Variants in VAC14 observed in about 807,000 individuals in gnomAD.
The protein encoded by VAC14 is VAC14 component of PIKFYVE complex.
In VAC14, 47 loss-of-function variants were observed where a neutral mutation model predicts 85.3. That is an observed-to-expected ratio of 0.55 (90% CI 0.44 to 0.70). VAC14 has a LOEUF of 0.70. Ranked by LOEUF, VAC14 falls within the 30% of genes least tolerant of loss-of-function variation. VAC14 has a pLI of 0.00. For synonymous variants in VAC14, 447 were observed against 430.5 expected, an observed-to-expected ratio of 1.04 and a Z score of -0.47; for missense variants, 861 against 1,004.3, an observed-to-expected ratio of 0.86 and a Z score of 1.93.
chr16:70,726,404 T>A (rs2054430063), intron 14 of VAC14, among the ~76,000 whole-genome samples: 1 of 152,148 alleles, frequency 6.6e-6, no homozygotes. Context: ...AGGGGTGTGG[T>A]TCCCCCTCCA....
At chr16:70,782,147 C>G (rs1007562939) in intron 7 of VAC14, 144 bp from the exon 8 acceptor site, 3 of 1,196,130 alleles carry the variant, frequency 2.5e-6, no homozygotes, top group Non-Finnish European at 3.5e-6. Context: ...GCTCTACTAC[C>G]TGTGTGCTTT....
Position 70,731,587 on chromosome 16 carries a change from C to T in VAC14, c.1569G>A (p.Met523Ile). ...GLECSPSTPT[M>I]NSYFYKFMIN... is the part of the protein sequence containing the mutation. The stretch of plus-strand genomic sequence containing the variant: ...TCATGAACTTATAAAAGTAAGAATT[C>T]ATGGTGGGAGTTGAAGGAGAACATT... Residue 523 changes from methionine to isoleucine, a missense_variant, in exon 14 of 19, where the codon ATG (methionine) becomes ATA (isoleucine). Met to Ile is a conservative substitution (Grantham distance 10). Around this residue, in one of 3 missense-constraint regions of VAC14, gnomAD observed 629 missense variants for 703.1 expected, o/e 0.89. Coordinates refer to ENST00000261776, the MANE Select transcript of VAC14 (RefSeq NM_018052.5). 8 of 1,614,114 alleles carry T rather than the reference C, an allele frequency of 5.0e-6. No individual in the cohort carries two copies.
chr16:70,688,638 C>T lies in VAC14; in HGVS notation c.2187-548G>A, dbSNP rs151219993. The T allele has an allele frequency of 1.6e-4, 157 of 985,590 alleles. 1 individual carries two copies. In the East Asian group the frequency reaches 0.013, roughly 80 times the overall value. The allele number at this position is 985,590 out of a possible 1,614,324, so 61.1% of individuals were successfully genotyped here. A position where few individuals can be genotyped will look rare whatever the true frequency, so the allele number is the denominator to read the frequency against. ...TCACTGTCCCTGGGAGGAGGAATGC[C>T]GGTCTCACCACTGGACATGCCTACA... On this transcript the variant is annotated intron_variant, in intron 18 of 18. Transcript: ENST00000261776.
chr16:70,739,058 T>C (rs2029994779), intron 13 of VAC14, among the ~76,000 whole-genome samples: 1 of 152,186 alleles, frequency 6.6e-6, no homozygotes, highest in Admixed American at 6.5e-5. Context: ...CTGTAATAAC[T>C]AGGACACAAG....
chr16:70,729,475 T>C lies in VAC14; in HGVS notation c.1661+2020A>G, dbSNP rs149918335. On this transcript the variant is annotated intron_variant, in intron 14 of 18. Transcript: ENST00000261776. ...GTGCCCTCAACTCCACCTCAGCTCC[T>C]GAGCTGGCCGGTCACCTCCTGTACG... Among the ~76,000 whole-genome samples, 459 of 152,196 alleles carry C rather than the reference T, an allele frequency of 3.0e-3. 4 individuals carry two copies. Among genetic ancestry groups the C allele is most frequent in the Middle Eastern group, 0.017 (5 of 294 alleles).
chr16:70,757,163 G>C (rs1419948701), intron 12 of VAC14, among the ~76,000 whole-genome samples: 1 of 152,192 alleles, frequency 6.6e-6, no homozygotes, highest in Non-Finnish European at 1.5e-5. Context: ...AGACTCTGGG[G>C]ACACTTTCTC....
intron 10 of VAC14, chr16:70,768,964 CTAT>C (rs2033017810): frequency 3.9e-6 from 1 of 256,664 alleles, no homozygotes; most frequent in African/African-American, 2.5e-5. Flanking sequence ...CCACGCCTGG[CTAT>C]TTTTTTTTTT....
At chr16:70,781,764 G>A in intron 8 of VAC14, 105 bp downstream of exon 8, 2 of 1,457,166 alleles carry the variant, frequency 1.4e-6, no homozygotes, top group South Asian at 1.3e-5. Flanking sequence ...GACTATGGAA[G>A]TGTGATGGAT....
rs1041261653 is a variant in VAC14 at position 70,688,364 on chromosome 16, G to A, written c.2187-274C>T. ...GGCGATGGCGCCCAGAGCAGGCATCGCATTGGGAAGCATTTCCTGTTTACG... is the reference window on the plus strand; with the variant it reads ...GGCGATGGCGCCCAGAGCAGGCATCACATTGGGAAGCATTTCCTGTTTACG... On this transcript the variant is annotated intron_variant, in intron 18 of 18. Transcript: ENST00000261776. The A allele has an allele frequency of 1.8e-5, 20 of 1,108,184 alleles. No homozygotes were observed. In the Admixed American group the frequency reaches 7.1e-4, roughly 40 times the overall value. 68.6% of individuals were successfully genotyped at this position (1,108,184 alleles called of 1,614,324 possible).
At chr16:70,799,941 C>T (rs988017558) in intron 1 of VAC14, among the ~76,000 whole-genome samples, 1 of 152,282 alleles carries the variant, frequency 6.6e-6, no homozygotes, top group Middle Eastern at 3.4e-3. Flanking sequence ...TTTATAATAG[C>T]TACGCACGGC....
intron 18 of VAC14, among the ~76,000 whole-genome samples, chr16:70,692,230 G>C (rs560330970): frequency 6.6e-6 from 1 of 151,898 alleles, no homozygotes; most frequent in African/African-American, 2.4e-5. Flanking sequence ...TGGTGGAGGG[G>C]TGCCTAGGAC....
chr16:70,747,315 G>T (rs1366067200), intron 12 of VAC14: 1 of 152,086 alleles, frequency 6.6e-6, no homozygotes, highest in Non-Finnish European at 1.5e-5. Flanking sequence ...GGGAGGCATG[G>T]GGAGTGACTC....
Position 70,687,997 on chromosome 16 carries a change from G to C in VAC14, c.2280C>G (p.Asn760Lys), listed in dbSNP as rs368850626. Reference protein sequence around the residue: ...ELLQHFEKVQNKHLEVRHQRS... With the variant: ...ELLQHFEKVQKKHLEVRHQRS... ...GCTGGTGCCGCACTTCCAGGTGCTTGTTCTGGACCTTCTCAAAGTGCTGCA... is the reference window on the plus strand; with the variant it reads ...GCTGGTGCCGCACTTCCAGGTGCTTCTTCTGGACCTTCTCAAAGTGCTGCA... The change falls in exon 19 of 19, where the codon AAC (asparagine) becomes AAG (lysine). Residue 760 changes from asparagine (N) to lysine (K), a missense_variant. Asn to Lys is a moderately conservative substitution (Grantham distance 94). Transcript: ENST00000261776. 6.2e-7 allele frequency: 1 copy of C among 1,606,550 alleles called. No homozygotes were observed. The highest frequency in any genetic ancestry group is 8.5e-7 in the Non-Finnish European group (1 of 1,175,834).
At chr16:70,756,931 C>T (rs1476862132) in intron 12 of VAC14, among the ~76,000 whole-genome samples, 2 of 152,180 alleles carry the variant, frequency 1.3e-5, no homozygotes, top group East Asian at 3.9e-4. Flanking sequence ...AGAAACGTTA[C>T]CACTGCCATG....
At chr16:70,689,783 A>C (rs1567516698) in intron 18 of VAC14, 1 of 985,510 alleles carries the variant, frequency 1.0e-6, no homozygotes, top group East Asian at 1.1e-4. Context: ...GCAGTGTTCT[A>C]GGCTGTGGTT....
chr16:70,768,378 G>C (rs2032970719), intron 10 of VAC14: 2 of 163,232 alleles, frequency 1.2e-5, no homozygotes, highest in Non-Finnish European at 2.7e-5. Context: ...TCACGAGAGA[G>C]AACACACCCA....
At chr16:70,702,322 C>A (rs1191551174) in intron 14 of VAC14, among the ~76,000 whole-genome samples, 1 of 152,180 alleles carries the variant, frequency 6.6e-6, no homozygotes, top group African/African-American at 2.4e-5. Flanking sequence ...GAGCACAAGC[C>A]TCCTCACGAG....
chr16:70,800,689 G>C, intron 1 of VAC14, 108 bp downstream of exon 1: 1 of 912,148 alleles, frequency 1.1e-6, no homozygotes, highest in Non-Finnish European at 1.7e-6. Flanking sequence ...TAAGGTAAGG[G>C]CCTAAAACCT....
At chr16:70,748,180 A>G (rs2031073868) in intron 12 of VAC14, among the ~76,000 whole-genome samples, 1 of 152,256 alleles carries the variant, frequency 6.6e-6, no homozygotes, top group Non-Finnish European at 1.5e-5. Context: ...GTGGTCAGAC[A>G]GTCCTGACAT....
Sources: allele counts gnomAD v4.1 joint callset (sites outside exome capture counted in the v4.1 genomes callset), GRCh38; gene constraint gnomAD v4.1.1; regional missense constraint gnomAD v4.1.1; transcripts MANE v1.5; gene names NCBI Gene and HGNC (gene_info 2026-07-23, HGNC 2026-07-21).